Variants in SEMA3D observed in about 807,000 individuals in gnomAD.
SEMA3D encodes semaphorin 3D.
SEMA3D carries 84 observed loss-of-function variants against 100.1 expected under a neutral mutation model. The ratio of observed to expected loss-of-function variants is 0.84; its 90% CI spans 0.70 to 1.01. The LOEUF is 1.01. SEMA3D is among the 50% of genes least tolerant of loss of function. The pLI is 0.00. For synonymous variants in SEMA3D, 312 were observed against 320.7 expected (o/e 0.97, Z 0.29); for missense variants, 875 against 934.1 (o/e 0.94, Z 0.82).
At chr7:85,240,001 A>T in the SEMA3D span, among the ~76,000 whole-genome samples, 3 of 152,022 alleles carry the variant, frequency 2.0e-5, no homozygotes, top group African/African-American at 7.2e-5. Flanking sequence ...TCTAACATTC[A>T]TTTGTTTTTC....
rs767976222 is a variant in SEMA3D, at chr7:85,121,004, CAGAGGAT to C, written c.151+730_151+736del. On this transcript the variant is annotated intron_variant, in intron 3 of 18. Transcript: ENST00000284136. ...CTATAAAATGTGATCTTAAAGATAT[CAGAGGAT>C]ATTCAAATTGCCAGCATAATTTTTG... is the stretch of plus-strand genomic sequence containing the variant. 7.4e-4 allele frequency among the ~76,000 whole-genome samples: 112 copies of C among 152,184 alleles called. 1 individual carries two copies. Among genetic ancestry groups the C allele is most frequent in the South Asian group, 1.9e-3 (9 of 4,814 alleles).
chr7:85,082,482 T>C (rs1485073775), intron 4 of SEMA3D, among the ~76,000 whole-genome samples: 1 of 152,212 alleles, frequency 6.6e-6, no homozygotes, highest in Non-Finnish European at 1.5e-5. Context: ...TGTTAAGCTA[T>C]AAGCAAGAAG....
chr7:85,142,098 T>G (rs1199366991), intron 2 of SEMA3D: 2 of 984,484 alleles, frequency 2.0e-6, no homozygotes, highest in Non-Finnish European at 2.4e-6. Flanking sequence ...GCAATGCATT[T>G]TAGTTTTGAT....
the SEMA3D span, among the ~76,000 whole-genome samples, chr7:85,226,472 C>A: frequency 1.3e-5 from 2 of 152,088 alleles, no homozygotes; most frequent in Non-Finnish European, 2.9e-5. Flanking sequence ...GGTAAGCCCC[C>A]TTTTTCACTT....
intron 12 of SEMA3D, among the ~76,000 whole-genome samples, chr7:85,024,304 G>A (rs1184354512): frequency 6.6e-6 from 1 of 151,848 alleles, no homozygotes; most frequent in Non-Finnish European, 1.5e-5. Context: ...CCCAGAGCAA[G>A]ATTTTGCCTG....
chr7:85,228,299 C>T, the SEMA3D span, among the ~76,000 whole-genome samples: 3 of 152,110 alleles, frequency 2.0e-5, no homozygotes, highest in African/African-American at 7.2e-5. Context: ...AGATAAAAAT[C>T]GCGAAAGAAA....
At chr7:85,187,730 A>G (rs891254614), upstream of SEMA3D, among the ~76,000 whole-genome samples, 3 of 152,320 alleles carry the variant, frequency 2.0e-5, no homozygotes, top group Admixed American at 6.5e-5. Flanking sequence ...CCTGGATCCT[A>G]TGCAATTGGA....
chr7:85,201,355 T>A, the SEMA3D span, among the ~76,000 whole-genome samples: 5 of 152,176 alleles, frequency 3.3e-5, no homozygotes, highest in African/African-American at 9.7e-5. Flanking sequence ...CTGTGACTCT[T>A]CTCAGTAACT....
intron 9 of SEMA3D, among the ~76,000 whole-genome samples, chr7:85,044,948 T>C (rs965416861): frequency 2.6e-5 from 4 of 152,014 alleles, no homozygotes; most frequent in African/African-American, 9.7e-5. Flanking sequence ...CTATTGCTGT[T>C]GAATGAAGAC....
intron 9 of SEMA3D, among the ~76,000 whole-genome samples, chr7:85,049,400 T>C (rs753758534): frequency 2.0e-5 from 3 of 151,696 alleles, no homozygotes; most frequent in Non-Finnish European, 4.4e-5. Flanking sequence ...ACAGGACTGG[T>C]GTAATACACT....
At chr7:85,053,477 G>GA (rs1171675193) in intron 9 of SEMA3D, among the ~76,000 whole-genome samples, 3 of 151,644 alleles carry the variant, frequency 2.0e-5, no homozygotes, top group Non-Finnish European at 2.9e-5. Context: ...CAGCAACAAT[G>GA]ATGCTGAGGT....
intron 17 of SEMA3D, among the ~76,000 whole-genome samples, chr7:85,010,550 G>C (rs1468529553): frequency 1.3e-5 from 2 of 151,760 alleles, no homozygotes; most frequent in African/African-American, 4.8e-5. Context: ...CCATGAGCCA[G>C]AAGGACTAAC....
At chr7:85,088,955 T>C (rs571510668) in intron 4 of SEMA3D, among the ~76,000 whole-genome samples, 3 of 152,304 alleles carry the variant, frequency 2.0e-5, no homozygotes, top group East Asian at 1.9e-4. Context: ...GAATCATCTC[T>C]GTCTTCTACT....
chr7:85,004,788 T>C (rs1327448036), intron 18 of SEMA3D, among the ~76,000 whole-genome samples: 3 of 152,006 alleles, frequency 2.0e-5, no homozygotes, highest in Non-Finnish European at 2.9e-5. Flanking sequence ...GGAAGCAGTA[T>C]TGCATACCCT....
At chr7:85,151,784 G>A in intron 2 of SEMA3D, 2 of 830,572 alleles carry the variant, frequency 2.4e-6, no homozygotes, top group East Asian at 1.2e-4. Flanking sequence ...TATTATATTA[G>A]AAGAAAATTT....
At chr7:85,056,315 T>A (rs1242816692) in intron 8 of SEMA3D, among the ~76,000 whole-genome samples, 3 of 152,010 alleles carry the variant, frequency 2.0e-5, no homozygotes. Flanking sequence ...ACCAGTAGTG[T>A]TTGGTTCAAG....
chr7:85,130,856 G>A (rs1789707780), intron 2 of SEMA3D, among the ~76,000 whole-genome samples: 1 of 152,032 alleles, frequency 6.6e-6, no homozygotes, highest in South Asian at 2.1e-4. Context: ...AAACACACTA[G>A]CACAGTGGTT....
chr7:85,206,041 T>G, the SEMA3D span, among the ~76,000 whole-genome samples: 12 of 152,060 alleles, frequency 7.9e-5, no homozygotes, highest in Non-Finnish European at 1.8e-4. Flanking sequence ...TTAGCTGAGT[T>G]CCGTGAAAAC....
intron 4 of SEMA3D, among the ~76,000 whole-genome samples, chr7:85,096,486 G>T (rs1788558761): frequency 6.6e-6 from 1 of 151,840 alleles, no homozygotes; most frequent in Non-Finnish European, 1.5e-5. Flanking sequence ...AAAAACAATT[G>T]CTAGCAGTAT....
Sources: gnomAD v4.1 joint callset for allele counts (sites outside exome capture counted in the v4.1 genomes callset) on GRCh38, gnomAD v4.1.1 for gene constraint, MANE v1.5 for transcripts, NCBI Gene and HGNC (gene_info 2026-07-23, HGNC 2026-07-21) for gene names.